The following DTNA variants were observed in gnomAD, a reference collection of about 807,000 sequenced individuals.
The protein encoded by DTNA is dystrobrevin alpha, also known as dystrophin-related protein 3.
A neutral mutation model predicts 100.7 loss-of-function variants in DTNA; 43 were observed. That is an observed-to-expected ratio of 0.43 (90% CI 0.33 to 0.55). The LOEUF (loss-of-function observed/expected upper bound fraction) is 0.55, where lower values mean the gene tolerates loss of function less well. Among genes scored for constraint, DTNA ranks in the 20% least tolerant of loss-of-function variants. The pLI is 0.04. For missense variants in DTNA, 798 were observed against 953.9 expected (o/e 0.84, Z 2.15); for synonymous variants, 349 against 347.9 (o/e 1.00, Z -0.04).
intron 1 of DTNA, among the ~76,000 whole-genome samples, chr18:34,640,434 T>C (rs2148339730): frequency 6.6e-6 from 1 of 152,322 alleles, no homozygotes; most frequent in South Asian, 2.1e-4. Flanking sequence ...TTGTTGTCCT[T>C]CCTACCCTCT....
intron 17 of DTNA, 46 bp downstream of exon 17, chr18:34,864,108 T>C (rs376735515): frequency 1.5e-5 from 23 of 1,545,654 alleles, no homozygotes; most frequent in Non-Finnish European, 1.8e-5. Context: ...TTCCATGTCA[T>C]CTGTGAAAAT....
rs904039387 is a variant in DTNA, at chr18:34,522,731, G to C, written c.-2+29217G>C. On this transcript the variant is annotated intron_variant, in intron 1 of 19. Transcript: ENST00000283365. ...TGTATGTTGGGTGGAAGGGCTCCTT[G>C]CAGAAAGCTAGCTCTCACCACAGTA... 5.3e-5 allele frequency among the ~76,000 whole-genome samples: 8 copies of C among 152,150 alleles called. No homozygotes were observed. In the South Asian group the frequency reaches 6.2e-4, roughly 12 times the overall value.
intron 18 of DTNA, among the ~76,000 whole-genome samples, chr18:34,876,021 T>C (rs1029693611): frequency 6.6e-6 from 1 of 152,230 alleles, no homozygotes; most frequent in Non-Finnish European, 1.5e-5. Context: ...TACTATCACT[T>C]TTTAAATTTA....
At chr18:34,809,339 C>T (rs1053735740) in intron 5 of DTNA, among the ~76,000 whole-genome samples, 1 of 152,082 alleles carries the variant, frequency 6.6e-6, no homozygotes, top group African/African-American at 2.4e-5. Context: ...TGCCTTTAGT[C>T]CCAGCTACCC....
At chr18:34,772,423 T>C (rs994277318) in intron 3 of DTNA, among the ~76,000 whole-genome samples, 9 of 152,234 alleles carry the variant, frequency 5.9e-5, no homozygotes, top group Non-Finnish European at 1.0e-4. Flanking sequence ...TACCTAAATG[T>C]TTCTCTATCA....
At chr18:34,747,878 G>T (rs1176107428) in intron 1 of DTNA, among the ~76,000 whole-genome samples, 2 of 151,996 alleles carry the variant, frequency 1.3e-5, no homozygotes, top group Non-Finnish European at 2.9e-5. Context: ...CTTCTTTAAG[G>T]GATCTCCATA....
intron 3 of DTNA, among the ~76,000 whole-genome samples, chr18:34,775,359 G>T (rs775950227): frequency 6.6e-6 from 1 of 152,094 alleles, no homozygotes; most frequent in African/African-American, 2.4e-5. Context: ...GGTGGTGGGC[G>T]CCAGTAGTCC....
chr18:34,524,839 T>C (rs1453507566), intron 1 of DTNA, among the ~76,000 whole-genome samples: 1 of 152,114 alleles, frequency 6.6e-6, no homozygotes. Context: ...AACATTTGTG[T>C]CCAACCGATA....
At chr18:34,859,040 A>G (rs1329917977) in intron 16 of DTNA, among the ~76,000 whole-genome samples, 2 of 152,256 alleles carry the variant, frequency 1.3e-5, no homozygotes, top group African/African-American at 4.8e-5. Flanking sequence ...AACTCATAAA[A>G]GGAGTCTGAT....
At chr18:34,629,730 C>T (rs76740533) in intron 1 of DTNA, among the ~76,000 whole-genome samples, 13,187 of 152,166 alleles carry the variant, frequency 0.087, 677 homozygotes, top group South Asian at 0.13. Flanking sequence ...GCATATAAGC[C>T]TCCCCAGTCC....
chr18:34,662,978 A>G (rs2144620657), intron 1 of DTNA: 1 of 152,256 alleles, frequency 6.6e-6, no homozygotes, highest in South Asian at 2.1e-4. Context: ...TGCAAAAGTA[A>G]TGGTAAGTAA....
intron 3 of DTNA, among the ~76,000 whole-genome samples, chr18:34,776,440 A>C (rs1487829424): frequency 1.3e-5 from 2 of 152,136 alleles, no homozygotes; most frequent in Admixed American, 1.3e-4. Context: ...TTCAAGCTGC[A>C]TCAGCTTGAT....
chr18:34,738,204 C>T (rs2090003558), intron 1 of DTNA, among the ~76,000 whole-genome samples: 1 of 152,102 alleles, frequency 6.6e-6, no homozygotes, highest in Non-Finnish European at 1.5e-5. Flanking sequence ...TTTAAAGATT[C>T]GGGACTTCAA....
intron 11 of DTNA, among the ~76,000 whole-genome samples, chr18:34,834,275 C>A (rs750070170): frequency 1.3e-5 from 2 of 151,756 alleles, no homozygotes; most frequent in East Asian, 3.9e-4. Flanking sequence ...GCAGGTAGAT[C>A]GCCTGAGGTC....
At chr18:34,613,169 A>T (rs997760063) in intron 1 of DTNA, among the ~76,000 whole-genome samples, 1 of 152,136 alleles carries the variant, frequency 6.6e-6, no homozygotes, top group African/African-American at 2.4e-5. Flanking sequence ...TGGCTATTAT[A>T]ATTGTTTTGG....
intron 1 of DTNA, among the ~76,000 whole-genome samples, chr18:34,639,632 A>C (rs529893557): frequency 2.1e-4 from 32 of 152,250 alleles, no homozygotes; most frequent in African/African-American, 7.7e-4. Flanking sequence ...CCTTCAGCAA[A>C]AGGCTTTTAT....
chr18:34,633,469 GAA>G (rs2148166322), intron 1 of DTNA, among the ~76,000 whole-genome samples: 1 of 152,246 alleles, frequency 6.6e-6, no homozygotes, highest in South Asian at 2.1e-4. Flanking sequence ...CATAAGAAAA[GAA>G]CTGAATAAGG....
intron 1 of DTNA, among the ~76,000 whole-genome samples, chr18:34,726,095 C>T (rs570260715): frequency 1.5e-4 from 23 of 152,088 alleles, no homozygotes; most frequent in Middle Eastern, 3.4e-3. Flanking sequence ...CAGAGCCTGT[C>T]GGGGAGTGGG....
At chr18:34,697,917 C>T (rs906817721) in intron 1 of DTNA, among the ~76,000 whole-genome samples, 8 of 152,186 alleles carry the variant, frequency 5.3e-5, no homozygotes, top group African/African-American at 1.9e-4. Flanking sequence ...CTTTAGCCAA[C>T]ACTTGCTGCA....
Sources: gnomAD v4.1 joint callset for allele counts (sites outside exome capture counted in the v4.1 genomes callset) on GRCh38, gnomAD v4.1.1 for gene constraint, MANE v1.5 for transcripts, NCBI Gene and HGNC (gene_info 2026-07-23, HGNC 2026-07-21) for gene names.